SLC38A12: variants seen among roughly 807,000 people sequenced by gnomAD.
The protein encoded by SLC38A12 is putative sodium-coupled neutral amino acid transporter 12.
At chr17:74,805,417 T>C in the SLC38A12 span, among the ~76,000 whole-genome samples, 503 of 152,336 alleles carry the variant, frequency 3.3e-3, 2 homozygotes, top group African/African-American at 0.011. This position sits in a 1 kb window ranked among gnomAD's most constrained non-coding sequence, Gnocchi z 5.0. Context: ...GGTGGTGCTC[T>C]AGGCTTCCCC....
the SLC38A12 span, chr17:74,777,327 G>A: frequency 6.2e-7 from 1 of 1,614,184 alleles, no homozygotes; most frequent in Non-Finnish European, 8.5e-7. Context: ...CCTCACTTTT[G>A]GAAATGGCGG....
At chr17:74,832,163 C>G in the SLC38A12 span, among the ~76,000 whole-genome samples, 2 of 152,122 alleles carry the variant, frequency 1.3e-5, no homozygotes, top group Non-Finnish European at 2.9e-5. Context: ...GGTCAGGGCC[C>G]TGACCTCCCC....
chr17:74,791,055 G>C, the SLC38A12 span: 1 of 1,608,182 alleles, frequency 6.2e-7, no homozygotes, highest in Non-Finnish European at 8.5e-7. Flanking sequence ...TCTTTTGGGG[G>C]TGGGGTGTGG....
the SLC38A12 span, chr17:74,790,192 G>A: frequency 2.5e-6 from 4 of 1,611,478 alleles, no homozygotes; most frequent in Admixed American, 5.0e-5. Flanking sequence ...CATCCTACTG[G>A]CTCCCAGGAG....
chr17:74,788,079 C>T, the SLC38A12 span, among the ~76,000 whole-genome samples: 1 of 152,136 alleles, frequency 6.6e-6, no homozygotes, highest in East Asian at 1.9e-4. Flanking sequence ...CAGGCATGAG[C>T]CACCGCCCCT....
chr17:74,824,672 G>A, the SLC38A12 span, among the ~76,000 whole-genome samples: 1 of 152,286 alleles, frequency 6.6e-6, no homozygotes, highest in Admixed American at 6.5e-5. Flanking sequence ...AGGACCGCAG[G>A]GTTCCCTTCC....
the SLC38A12 span, among the ~76,000 whole-genome samples, chr17:74,786,169 C>T: frequency 5.9e-5 from 9 of 152,060 alleles, no homozygotes; most frequent in Non-Finnish European, 7.3e-5. Context: ...CCTCACCAGC[C>T]GGTGCTTCAG....
the SLC38A12 span, chr17:74,785,357 T>C: frequency 7.2e-7 from 1 of 1,383,696 alleles, no homozygotes; most frequent in East Asian, 2.4e-5. Context: ...CCTGCCTCCT[T>C]CCCTGTCTAC....
the SLC38A12 span, chr17:74,836,343 C>G: frequency 1.2e-6 from 2 of 1,612,998 alleles, no homozygotes; most frequent in South Asian, 2.2e-5. The surrounding 1 kb of genome is among the most constrained non-coding windows in gnomAD (Gnocchi z 4.2). Context: ...CTGGAAGACA[C>G]TCTTCCACCG....
chr17:74,814,418 T>A, the SLC38A12 span, among the ~76,000 whole-genome samples: 4 of 152,158 alleles, frequency 2.6e-5, no homozygotes, highest in African/African-American at 9.7e-5. Context: ...CACCCCAGGC[T>A]CTTCCCGGGT....
chr17:74,790,976 C>T, the SLC38A12 span: 3 of 1,614,078 alleles, frequency 1.9e-6, no homozygotes, highest in South Asian at 3.3e-5. Context: ...ATCTCCCAAC[C>T]CGTTTGAAAT....
At chr17:74,778,599 C>G in the SLC38A12 span, among the ~76,000 whole-genome samples, 91,543 of 149,420 alleles carry the variant, frequency 0.61, 28,465 homozygotes, top group Non-Finnish European at 0.64. Flanking sequence ...AATAAAGGAG[C>G]CTTCTTCACC....
At chr17:74,795,705 C>T in the SLC38A12 span, 35 of 1,183,958 alleles carry the variant, frequency 3.0e-5, no homozygotes, top group East Asian at 8.4e-4. Context: ...AGTGCCTTTA[C>T]TTCCAGGTAG....
chr17:74,780,689 G>A, the SLC38A12 span, among the ~76,000 whole-genome samples: 2 of 152,318 alleles, frequency 1.3e-5, no homozygotes, highest in East Asian at 1.9e-4. Flanking sequence ...TACAGAAGGT[G>A]AAGAGGACTG....
At chr17:74,790,854 T>G in the SLC38A12 span, 1 of 988,964 alleles carries the variant, frequency 1.0e-6, no homozygotes. Flanking sequence ...TTTGGACACT[T>G]GGGGATTTCA....
the SLC38A12 span, chr17:74,790,928 C>T: frequency 6.2e-7 from 1 of 1,609,394 alleles, no homozygotes; most frequent in South Asian, 1.1e-5. Flanking sequence ...AGAACCACTT[C>T]CTCTTCCTTG....
chr17:74,793,431 A>G, the SLC38A12 span, among the ~76,000 whole-genome samples: 1 of 152,164 alleles, frequency 6.6e-6, no homozygotes, highest in Non-Finnish European at 1.5e-5. Flanking sequence ...CCAGATTGTC[A>G]TCTTCACCCT....
the SLC38A12 span, among the ~76,000 whole-genome samples, chr17:74,798,703 C>T: frequency 2.0e-5 from 3 of 152,222 alleles, no homozygotes; most frequent in African/African-American, 7.2e-5. Flanking sequence ...AGATTATCAT[C>T]AGGATCTGCT....
the SLC38A12 span, among the ~76,000 whole-genome samples, chr17:74,792,207 T>G: frequency 6.6e-6 from 1 of 151,806 alleles, no homozygotes; most frequent in Non-Finnish European, 1.5e-5. Context: ...TCCCAGCACT[T>G]TGGGAGGCCG....
Sources: gnomAD v4.1 joint callset for allele counts (sites outside exome capture counted in the v4.1 genomes callset) on GRCh38, gnomAD v4.1.1 for gene constraint, Gnocchi (gnomAD v3.1) non-coding constraint, MANE v1.5 for transcripts, NCBI Gene and HGNC (gene_info 2026-07-23, HGNC 2026-07-21) for gene names.